Variants in NSMCE2 observed in about 807,000 individuals in gnomAD.
The protein encoded by NSMCE2 is E3 SUMO-protein ligase NSE2.
A neutral mutation model predicts 23.8 loss-of-function variants in NSMCE2; 24 were observed. That is an observed-to-expected ratio of 1.01 (90% CI 0.73 to 1.42). The LOEUF is 1.42. Among genes scored for constraint, NSMCE2 ranks in the 40% most tolerant of loss-of-function variants. The probability of loss-of-function intolerance (pLI) is 0.00; values close to 1 mark genes in which losing one functional copy is unlikely to be tolerated. For synonymous variants in NSMCE2, 92 were observed against 94.1 expected (o/e 0.98, Z 0.13); for missense variants, 284 against 296.5 (o/e 0.96, Z 0.31).
At chr8:125,186,227 T>A (rs1487122451) in intron 5 of NSMCE2, among the ~76,000 whole-genome samples, 2 of 152,224 alleles carry the variant, frequency 1.3e-5, no homozygotes, top group Non-Finnish European at 2.9e-5. Flanking sequence ...CATACTCACC[T>A]GTTAATGTGT....
intron 5 of NSMCE2, among the ~76,000 whole-genome samples, chr8:125,189,585 C>T (rs937857992): frequency 1.3e-5 from 2 of 152,162 alleles, no homozygotes; most frequent in African/African-American, 2.4e-5. Flanking sequence ...ATCAGATAAG[C>T]TGCCTAGAAA....
At chr8:125,350,313 C>T (rs1425125001) in intron 5 of NSMCE2, among the ~76,000 whole-genome samples, 1 of 152,138 alleles carries the variant, frequency 6.6e-6, no homozygotes, top group African/African-American at 2.4e-5. Context: ...TTTAAACTGA[C>T]ATTTTAAAAT....
chr8:125,323,551 A>G (rs992382896), intron 5 of NSMCE2, among the ~76,000 whole-genome samples: 1 of 152,250 alleles, frequency 6.6e-6, no homozygotes, highest in Admixed American at 6.5e-5. Context: ...ATGGTTTTCC[A>G]CAAACATGCA....
chr8:125,294,312 A>G (rs1828237909), intron 5 of NSMCE2, among the ~76,000 whole-genome samples: 1 of 152,080 alleles, frequency 6.6e-6, no homozygotes, highest in African/African-American at 2.4e-5. Context: ...TTCTCGTGGT[A>G]TTTATCTCAC....
chr8:125,356,816 A>G (rs1338314405), intron 5 of NSMCE2, among the ~76,000 whole-genome samples: 7 of 152,202 alleles, frequency 4.6e-5, no homozygotes, highest in Admixed American at 3.9e-4. Context: ...TGAGCTGTGC[A>G]AAGCATACCA....
At chr8:125,292,440 G>GC (rs1445484375) in intron 5 of NSMCE2, among the ~76,000 whole-genome samples, 1 of 152,014 alleles carries the variant, frequency 6.6e-6, no homozygotes, top group Non-Finnish European at 1.5e-5. Context: ...TGTAATCCCA[G>GC]CCACTTGGGA....
intron 5 of NSMCE2, among the ~76,000 whole-genome samples, chr8:125,252,830 TG>T (rs1826252408): frequency 6.6e-6 from 1 of 152,274 alleles, no homozygotes; most frequent in African/African-American, 2.4e-5. Context: ...ATCTGTTAGA[TG>T]GGTAGTTCCG....
At chr8:125,177,644 G>A (rs1822563322) in intron 4 of NSMCE2, among the ~76,000 whole-genome samples, 2 of 152,196 alleles carry the variant, frequency 1.3e-5, no homozygotes, top group African/African-American at 4.8e-5. Flanking sequence ...TTCCAGCGCT[G>A]TGTGCAGAAT....
chr8:125,240,243 G>A (rs1241680595), intron 5 of NSMCE2, among the ~76,000 whole-genome samples: 1 of 151,714 alleles, frequency 6.6e-6, no homozygotes, highest in South Asian at 2.1e-4. Flanking sequence ...TTCTGCCTCA[G>A]CCTCCCGAGT....
chr8:125,114,815 A>AG (rs1818920016), intron 3 of NSMCE2, among the ~76,000 whole-genome samples: 1 of 152,238 alleles, frequency 6.6e-6, no homozygotes, highest in Non-Finnish European at 1.5e-5. Context: ...TCACTGGTTT[A>AG]AAAAATCTAC....
intron 1 of NSMCE2, chr8:125,094,448 T>C (rs1235526141): frequency 6.6e-6 from 1 of 152,190 alleles, no homozygotes; most frequent in Non-Finnish European, 1.5e-5. Flanking sequence ...ATCTCAGTCT[T>C]AATCTTTTCC....
chr8:125,278,394 G>A (rs528815951), intron 5 of NSMCE2, among the ~76,000 whole-genome samples: 4 of 152,172 alleles, frequency 2.6e-5, no homozygotes, highest in Non-Finnish European at 5.9e-5. Flanking sequence ...AGGAAGTTGG[G>A]GGTGGCACAG....
intron 5 of NSMCE2, among the ~76,000 whole-genome samples, chr8:125,249,258 G>A (rs1344835434): frequency 1.3e-5 from 2 of 151,966 alleles, no homozygotes; most frequent in Non-Finnish European, 2.9e-5. Flanking sequence ...ACATGGTTCT[G>A]AATTTTAAAG....
In NSMCE2 at chr8:125,179,401, C is replaced by G. The variant is rs989035071; in HGVS notation, c.265-2702C>G. Among the ~76,000 whole-genome samples, 3 of 152,226 alleles carry G rather than the reference C, an allele frequency of 2.0e-5. No homozygotes were observed. The South Asian group carries it at 6.2e-4, about 32-fold the overall frequency. On this transcript the variant is annotated intron_variant, in intron 4 of 7. Coordinates refer to ENST00000287437, the MANE Select transcript of NSMCE2 (RefSeq NM_173685.4). ...GAGGGGCATCTTTATCTTTTTCATG[C>G]TACATGATTAGCCACTCAATTTTTT... is the stretch of plus-strand genomic sequence containing the variant.
At chr8:125,117,538 TTTTTA>T (rs140138568) in intron 3 of NSMCE2, among the ~76,000 whole-genome samples, 11,797 of 152,102 alleles carry the variant, frequency 0.078, 556 homozygotes, top group Middle Eastern at 0.28. Flanking sequence ...ACCTTTTTTA[TTTTTA>T]TTTTATTTTT....
chr8:125,102,146 G>A lies in NSMCE2; in HGVS notation c.-15G>A, dbSNP rs1244720991. ...GAGTCCAGCTGTGTTTGGTGGCCCA[G>A]GTGAGTGGCACAGTGATTTGGTGTC... is the stretch of plus-strand genomic sequence containing the variant. On this transcript the variant is annotated splice_region_variant and 5_prime_UTR_variant, in exon 2 of 8. Coordinates refer to ENST00000287437, the MANE Select transcript of NSMCE2 (RefSeq NM_173685.4). 3.6e-6 allele frequency: 2 copies of A among 561,806 alleles called. No individual in the cohort carries two copies. The highest frequency in any genetic ancestry group is 6.4e-6 in the Non-Finnish European group (2 of 314,182). 34.8% of individuals were successfully genotyped at this position (561,806 alleles called of 1,614,324 possible). A position where few individuals can be genotyped will look rare whatever the true frequency, so the allele number is the denominator to read the frequency against.
Position 125,290,937 on chromosome 8 carries a change from A to G in NSMCE2, c.419-66282A>G, listed in dbSNP as rs140257249. Among the ~76,000 whole-genome samples the G allele has an allele frequency of 3.4e-3, 514 of 152,334 alleles. 6 individuals carry two copies. Among genetic ancestry groups the G allele is most frequent in the African/African-American group, 0.012 (489 of 41,582 alleles). On this transcript the variant is annotated intron_variant, in intron 5 of 7. Transcript: ENST00000287437. The stretch of plus-strand genomic sequence containing the variant: ...GAGGTCAGGCACCATAATTATGTTT[A>G]ATTCTCTAGTACCTAGCAGTGCCCG...
At chr8:125,144,240 C>A (rs1358539937) in intron 3 of NSMCE2, among the ~76,000 whole-genome samples, 1 of 152,130 alleles carries the variant, frequency 6.6e-6, no homozygotes, top group African/African-American at 2.4e-5. Context: ...AGCTATAGGG[C>A]AGCTGTGGTT....
chr8:125,220,501 A>G (rs895997491), intron 5 of NSMCE2, among the ~76,000 whole-genome samples: 2 of 152,198 alleles, frequency 1.3e-5, no homozygotes, highest in Non-Finnish European at 2.9e-5. Context: ...AAATTCTTAC[A>G]TTAGAACATG....
Sources: gnomAD v4.1 joint callset for allele counts (sites outside exome capture counted in the v4.1 genomes callset) on GRCh38, gnomAD v4.1.1 for gene constraint, MANE v1.5 for transcripts, NCBI Gene and HGNC (gene_info 2026-07-23, HGNC 2026-07-21) for gene names.